RETREG1: variants seen among roughly 807,000 people sequenced by gnomAD.
RETREG1 encodes family with sequence similarity 134 member B.
RETREG1 carries 44 observed loss-of-function variants against 54.8 expected under a neutral mutation model. The observed-to-expected ratio is 0.80, with a 90% CI of 0.63 to 1.03. The LOEUF (loss-of-function observed/expected upper bound fraction) is 1.03. Among genes scored for constraint, RETREG1 ranks in the 50% least tolerant of loss-of-function variants. RETREG1 has a pLI of 0.00. For missense variants in RETREG1, 554 were observed against 605.1 expected, an observed-to-expected ratio of 0.92 and a Z score of 0.89; for synonymous variants, 217 against 238.5, an observed-to-expected ratio of 0.91 and a Z score of 0.83.
In RETREG1 at chr5:16,593,154, C is replaced by G. The variant is rs1485321250; in HGVS notation, c.321-21052G>C. Among the ~76,000 whole-genome samples the G allele has an allele frequency of 1.3e-5, 2 of 152,178 alleles. No homozygotes were observed. The highest frequency in any genetic ancestry group is 1.3e-4 in the Admixed American group (2 of 15,280). On this transcript the variant is annotated intron_variant, in intron 1 of 8. Transcript: ENST00000306320. This position sits in a 1 kb window ranked among gnomAD's most constrained non-coding sequence, Gnocchi z 4.9. Reference sequence around the variant, plus strand: ...CTCACCATCCCATGCCCAGTGGTCACACTCAGCAAGGAAAACTCCACCCAG... The same window carrying G: ...CTCACCATCCCATGCCCAGTGGTCAGACTCAGCAAGGAAAACTCCACCCAG...
At chr5:16,602,517 C>T (rs1743078883) in intron 1 of RETREG1, among the ~76,000 whole-genome samples, 1 of 152,046 alleles carries the variant, frequency 6.6e-6, no homozygotes, top group Non-Finnish European at 1.5e-5. Flanking sequence ...AGCAAAACAA[C>T]GTTGAACAAG....
chr5:16,541,176 G>A (rs1741231533), intron 3 of RETREG1, among the ~76,000 whole-genome samples: 1 of 152,216 alleles, frequency 6.6e-6, no homozygotes, highest in African/African-American at 2.4e-5. Flanking sequence ...AGGACCAAAA[G>A]ACAGGGTCTT....
At chr5:16,538,693 T>C (rs1741148896) in intron 3 of RETREG1, among the ~76,000 whole-genome samples, 1 of 151,346 alleles carries the variant, frequency 6.6e-6, no homozygotes, top group Non-Finnish European at 1.5e-5. Context: ...AACAAATACA[T>C]TCTTTCATTC....
chr5:16,473,329 G>A lies in RETREG1; in HGVS notation c.*1412C>T, dbSNP rs903111551. 6.6e-6 allele frequency: 1 copy of A among 152,500 alleles called. No individual in the cohort carries two copies. The highest frequency in any genetic ancestry group is 6.6e-5 in the Admixed American group (1 of 15,262). 9.4% of individuals were successfully genotyped at this position (152,500 alleles called of 1,614,324 possible). On this transcript the variant is annotated 3_prime_UTR_variant, in exon 9 of 9. Coordinates refer to ENST00000306320, the MANE Select transcript of RETREG1 (RefSeq NM_001034850.3). ...TCCCTTTAACATTTGGCAAAACTCA[G>A]TCCAGATATTTTAATACCTCAGAAA...
intron 3 of RETREG1, among the ~76,000 whole-genome samples, chr5:16,547,342 T>C (rs911956815): frequency 5.9e-5 from 9 of 152,192 alleles, no homozygotes; most frequent in Non-Finnish European, 8.8e-5. Context: ...AGCTATTTTA[T>C]CCGAGGAAAA....
At chr5:16,515,443 T>C (rs1207688793) in intron 3 of RETREG1, among the ~76,000 whole-genome samples, 1 of 152,212 alleles carries the variant, frequency 6.6e-6, no homozygotes, top group African/African-American at 2.4e-5. Flanking sequence ...ATTTTTGGCC[T>C]GAGAATTTTT....
intron 6 of RETREG1, among the ~76,000 whole-genome samples, 167 bp from the exon 7 acceptor site, chr5:16,478,265 C>T (rs1169117472): frequency 6.6e-6 from 1 of 152,140 alleles, no homozygotes; most frequent in African/African-American, 2.4e-5. Context: ...ACATAACAAG[C>T]TTCACATATT....
chr5:16,510,227 T>C (rs1467962393), intron 3 of RETREG1, among the ~76,000 whole-genome samples: 2 of 152,180 alleles, frequency 1.3e-5, no homozygotes, highest in Non-Finnish European at 2.9e-5. Flanking sequence ...CAATTAACAA[T>C]TCCTTAAGGC....
chr5:16,531,094 A>T (rs1384057012), intron 3 of RETREG1, among the ~76,000 whole-genome samples: 1 of 152,208 alleles, frequency 6.6e-6, no homozygotes, highest in Non-Finnish European at 1.5e-5. Flanking sequence ...TCATCCCTTG[A>T]TGAAAGATAA....
At chr5:16,534,511 T>C (rs1160714215) in intron 3 of RETREG1, among the ~76,000 whole-genome samples, 2 of 151,800 alleles carry the variant, frequency 1.3e-5, no homozygotes, top group Non-Finnish European at 2.9e-5. Context: ...ACATATAGAG[T>C]GGGTAGAGAG....
intron 1 of RETREG1, among the ~76,000 whole-genome samples, chr5:16,610,581 T>G (rs1743313621): frequency 6.6e-6 from 1 of 151,858 alleles, no homozygotes; most frequent in Admixed American, 6.6e-5. Flanking sequence ...AACAACCCCA[T>G]CAAAAAGTGG....
chr5:16,518,663 G>C (rs1024641863), intron 3 of RETREG1, among the ~76,000 whole-genome samples: 1 of 152,170 alleles, frequency 6.6e-6, no homozygotes, highest in Non-Finnish European at 1.5e-5. Context: ...CACTCACTTG[G>C]GACACAGGCC....
intron 1 of RETREG1, among the ~76,000 whole-genome samples, chr5:16,590,195 C>A (rs1040909086): frequency 6.6e-6 from 1 of 152,200 alleles, no homozygotes; most frequent in Non-Finnish European, 1.5e-5. Flanking sequence ...CTGGGACCTC[C>A]AGGATCCCTC....
At chr5:16,483,098 T>C (rs1269665765) in intron 4 of RETREG1, 10 of 465,828 alleles carry the variant, frequency 2.1e-5, no homozygotes, top group Non-Finnish European at 3.5e-5. Context: ...CCATTCATTT[T>C]AGCTAATGAG....
rs533354311 is a variant in RETREG1, at chr5:16,495,797, T to C, written c.459-12325A>G. On this transcript the variant is annotated intron_variant, in intron 3 of 8. Transcript: ENST00000306320. ...GCCTGGGCGACAGAGCGAGACTCTG[T>C]CTCAAAAAAAAAAAATAGATGAGTA... 6.0e-5 allele frequency among the ~76,000 whole-genome samples: 6 copies of C among 99,814 alleles called. No homozygotes were observed. The South Asian group carries it at 1.9e-3, about 32-fold the overall frequency. The allele number at this position is 99,814 out of a possible 152,430, so 65.5% of individuals were successfully genotyped here.
At chr5:16,488,695 C>T (rs907417045) in intron 3 of RETREG1, among the ~76,000 whole-genome samples, 1 of 152,180 alleles carries the variant, frequency 6.6e-6, no homozygotes, top group Non-Finnish European at 1.5e-5. Flanking sequence ...CTTCAAAATT[C>T]ACAGACATGG....
rs1160450515 is a variant in RETREG1 at position 16,474,663 on chromosome 5, CTTTT to C, written c.*74_*77del. Reference sequence around the variant, plus strand: ...TTAAAGCTTACAGTTCAATTTTTTTCTTTTCCTTTTTTTTTTTTTTTTCTTGTTT... The same window carrying C: ...TTAAAGCTTACAGTTCAATTTTTTTCCCTTTTTTTTTTTTTTTTCTTGTTT... On this transcript the variant is annotated 3_prime_UTR_variant, in exon 9 of 9. Transcript: ENST00000306320. 4 of 1,386,546 alleles carry C rather than the reference CTTTT, an allele frequency of 2.9e-6. No individual in the cohort carries two copies. In the East Asian group the frequency reaches 9.4e-5, roughly 32 times the overall value. The allele number at this position is 1,386,546 out of a possible 1,614,324, so 85.9% of individuals were successfully genotyped here.
intron 5 of RETREG1, 145 bp downstream of exon 5, chr5:16,480,864 A>G: frequency 1.5e-6 from 1 of 648,172 alleles, no homozygotes; most frequent in Non-Finnish European, 2.8e-6. Flanking sequence ...GAAAATGGAG[A>G]AACTTTGTAC....
At chr5:16,610,984 T>A (rs1344159630) in intron 1 of RETREG1, among the ~76,000 whole-genome samples, 7 of 152,128 alleles carry the variant, frequency 4.6e-5, no homozygotes, top group Non-Finnish European at 7.3e-5. Flanking sequence ...CTATTCACAA[T>A]ACCAAAGACT....
Sources: gnomAD v4.1 joint callset for allele counts (sites outside exome capture counted in the v4.1 genomes callset) on GRCh38, gnomAD v4.1.1 for gene constraint, Gnocchi (gnomAD v3.1) non-coding constraint, MANE v1.5 for transcripts, NCBI Gene and HGNC (gene_info 2026-07-23, HGNC 2026-07-21) for gene names.